The following DOCK5 variants were observed in gnomAD, a reference collection of about 807,000 sequenced individuals.
The protein encoded by DOCK5 is dedicator of cytokinesis 5, also known as dedicator of cytokinesis protein 5.
In DOCK5, 142 loss-of-function variants were observed where a neutral mutation model predicts 251.8. The ratio of observed to expected loss-of-function variants is 0.56; its 90% CI spans 0.49 to 0.65. The LOEUF is 0.65. Among genes scored for constraint, DOCK5 ranks in the 30% least tolerant of loss-of-function variants. DOCK5 has a pLI of 0.00. For missense variants in DOCK5, 2,111 were observed against 2,312.3 expected (o/e 0.91, Z 1.79); for synonymous variants, 842 against 835.5 (o/e 1.01, Z -0.13).
rs1187369915 is a variant in DOCK5 at position 25,411,215 on chromosome 8, C to T, written c.5530C>T (p.Arg1844Ter). 7 of 1,590,622 alleles carry T rather than the reference C, an allele frequency of 4.4e-6. No individual in the cohort carries two copies. The highest frequency in any genetic ancestry group is 1.7e-4 in the Middle Eastern group (1 of 6,020). Residue 1844 changes from arginine (R) to a stop codon, truncating the protein, a stop_gained, in exon 52 of 52, where the codon CGA becomes TGA. Transcript: ENST00000276440. LOFTEE classifies it high-confidence loss of function. Reference sequence around the variant, plus strand: ...GCAGCTCGCTCCCCCACTGCCTGTCCGAAGAGAAGCCAAAGCACCACCCCC... The same window carrying T: ...GCAGCTCGCTCCCCCACTGCCTGTCTGAAGAGAAGCCAAAGCACCACCCCC... Reference protein sequence around the residue: ...STELAPPLPVRREAKAPPPPP... With the variant: ...STELAPPLPV
At chr8:25,410,963 G>A (rs1563236030) in intron 51 of DOCK5, among the ~76,000 whole-genome samples, 2 of 28,490 alleles carry the variant, frequency 7.0e-5, no homozygotes, top group Admixed American at 5.2e-4. Context: ...GTGTGTGTGT[G>A]TGTGTGTGTG....
At position 25,363,132 on chromosome 8, in the gene DOCK5, C is replaced by G. The variant is rs1273195043; in HGVS notation, c.3035C>G (p.Thr1012Ser). 3 of 1,613,962 alleles carry G rather than the reference C, an allele frequency of 1.9e-6. No homozygotes were observed. The highest frequency in any genetic ancestry group is 2.5e-6 in the Non-Finnish European group (3 of 1,179,816). The change falls in exon 29 of 52, where the codon ACT (threonine) becomes AGT (serine). Residue 1012 changes from threonine to serine, a missense_variant. By Grantham distance (58) the Thr-to-Ser change is moderately conservative. Around this residue, in one of 3 missense-constraint regions of DOCK5, gnomAD observed 1,717 missense variants for 1,892.4 expected, o/e 0.91. Coordinates refer to ENST00000276440, the MANE Select transcript of DOCK5 (RefSeq NM_024940.8). Reference sequence around the variant, plus strand: ...AAAGATTGGATGGTGATGAATATGACTCAAAACAGGTGAGACAGCCCATGG... The same window carrying G: ...AAAGATTGGATGGTGATGAATATGAGTCAAAACAGGTGAGACAGCCCATGG... ...YAKDWMVMNM[T>S]QNRVFLRAIN...
intron 25 of DOCK5, 162 bp from the exon 26 acceptor site, chr8:25,345,313 A>G (rs1312960102): frequency 3.7e-6 from 3 of 807,106 alleles, no homozygotes; most frequent in East Asian, 2.7e-5. Flanking sequence ...TTCCGTGCCT[A>G]AAACCAGGTG....
intron 1 of DOCK5, among the ~76,000 whole-genome samples, chr8:25,185,429 A>C (rs1443846137): frequency 6.6e-6 from 1 of 152,016 alleles, no homozygotes; most frequent in African/African-American, 2.4e-5. Context: ...TGAGGAGTTG[A>C]GGGTGGAAAG....
chr8:25,225,831 A>G (rs1214303068), intron 1 of DOCK5, among the ~76,000 whole-genome samples: 1 of 152,196 alleles, frequency 6.6e-6, no homozygotes, highest in African/African-American at 2.4e-5. Context: ...TGAGGTCCCT[A>G]GAGTAGTCAG....
chr8:25,200,650 A>G (rs925080529), intron 1 of DOCK5, among the ~76,000 whole-genome samples: 4 of 152,216 alleles, frequency 2.6e-5, no homozygotes, highest in Admixed American at 2.0e-4. Context: ...ATAAGAGCAC[A>G]TTTTTGTTAC....
At chr8:25,291,922 C>G (rs1804499098) in intron 5 of DOCK5, 102 bp from the exon 6 acceptor site, 1 of 1,085,028 alleles carries the variant, frequency 9.2e-7, no homozygotes, top group Non-Finnish European at 1.3e-6. Flanking sequence ...TCTCATCTGT[C>G]TGACATTCCC....
intron 41 of DOCK5, 48 bp from the exon 42 acceptor site, chr8:25,390,158 A>C: frequency 6.6e-7 from 1 of 1,511,258 alleles, no homozygotes; most frequent in South Asian, 1.2e-5. Context: ...TTGGTGTCTG[A>C]CACCTTCACG....
intron 34 of DOCK5, among the ~76,000 whole-genome samples, chr8:25,370,931 C>T (rs1800862190): frequency 6.6e-6 from 1 of 152,144 alleles, no homozygotes; most frequent in Non-Finnish European, 1.5e-5. Context: ...AGGCATGAGC[C>T]ACCACGTCTG....
intron 1 of DOCK5, among the ~76,000 whole-genome samples, chr8:25,198,244 T>A (rs1417768992): frequency 2.6e-5 from 4 of 152,170 alleles, no homozygotes; most frequent in Non-Finnish European, 5.9e-5. Flanking sequence ...GCGGCTCTCA[T>A]GACCCAGCCT....
At chr8:25,260,275 C>T (rs564027496) in intron 2 of DOCK5, among the ~76,000 whole-genome samples, 17 of 152,246 alleles carry the variant, frequency 1.1e-4, no homozygotes, top group African/African-American at 4.1e-4. Context: ...TGTGTTTTAT[C>T]CAGTAAGATA....
At chr8:25,326,890 A>G (rs986707396) in intron 18 of DOCK5, among the ~76,000 whole-genome samples, 1 of 152,216 alleles carries the variant, frequency 6.6e-6, no homozygotes, top group Non-Finnish European at 1.5e-5. Context: ...AAATATATGC[A>G]GCTGCTAAAT....
chr8:25,374,733 T>G (rs1457664683), intron 37 of DOCK5, 79 bp downstream of exon 37: 1 of 1,611,352 alleles, frequency 6.2e-7, no homozygotes, highest in Non-Finnish European at 8.5e-7. Flanking sequence ...TTTCATGATT[T>G]TGATGGGAAA....
Position 25,411,350 on chromosome 8 carries a change from A to C in DOCK5, c.*52A>C. On this transcript the variant is annotated 3_prime_UTR_variant, in exon 52 of 52. Transcript: ENST00000276440. ...GTGCCTTAGACAGCTGCTGCCTGAG[A>C]ACTGGCCTCCAGCCGGTGTCCTCAT... is the stretch of plus-strand genomic sequence containing the variant. The C allele has an allele frequency of 7.2e-7, 1 of 1,382,846 alleles. No homozygotes were observed. The highest frequency in any genetic ancestry group is 1.5e-5 in the African/African-American group (1 of 65,706). The allele number at this position is 1,382,846 out of a possible 1,614,324, so 85.7% of individuals were successfully genotyped here.
chr8:25,312,093 C>T (rs985258463), intron 13 of DOCK5, among the ~76,000 whole-genome samples: 2 of 152,048 alleles, frequency 1.3e-5, no homozygotes, highest in African/African-American at 4.8e-5. Context: ...GGAGATCACT[C>T]TTTTTTCCTT....
chr8:25,302,401 T>C lies in DOCK5; in HGVS notation c.923T>C (p.Leu308Pro). ...CQIVRVGHME[L>P]KEGKKHTCGL... Reference sequence around the variant, plus strand: ...ATTGTCCGCGTGGGCCATATGGAGCTGAAGGAAGGCAAGAAGCACACCTGT... The same window carrying C: ...ATTGTCCGCGTGGGCCATATGGAGCCGAAGGAAGGCAAGAAGCACACCTGT... Residue 308 changes from leucine to proline, a missense_variant, in exon 10 of 52, where the codon CTG (leucine) becomes CCG (proline). This residue lies in a region of DOCK5 where 59 missense variants were observed against 95.0 expected (regional missense o/e 0.62). Coordinates refer to ENST00000276440, the MANE Select transcript of DOCK5 (RefSeq NM_024940.8). 6.2e-7 allele frequency: 1 copy of C among 1,605,320 alleles called. No homozygotes were observed. The highest frequency in any genetic ancestry group is 8.5e-7 in the Non-Finnish European group (1 of 1,176,016).
chr8:25,271,360 A>G (rs1803906564), intron 3 of DOCK5: 2 of 152,334 alleles, frequency 1.3e-5, no homozygotes, highest in African/African-American at 4.8e-5. Context: ...AAGCCGAAAT[A>G]TCCTTCTTGT....
intron 14 of DOCK5, among the ~76,000 whole-genome samples, chr8:25,318,823 C>G (rs1404520912): frequency 6.6e-6 from 1 of 151,934 alleles, no homozygotes; most frequent in Non-Finnish European, 1.5e-5. Context: ...CACTGAGTGT[C>G]CTGTTGCATA....
intron 47 of DOCK5, 109 bp downstream of exon 47, chr8:25,401,175 A>G (rs1291114912): frequency 1.4e-6 from 2 of 1,458,450 alleles, no homozygotes; most frequent in Non-Finnish European, 1.9e-6. Context: ...TAGCTATGGC[A>G]TGGAAATAGT....
Sources: gnomAD v4.1 joint callset for allele counts (sites outside exome capture counted in the v4.1 genomes callset) on GRCh38, gnomAD v4.1.1 for gene constraint, gnomAD v4.1.1 regional missense constraint, MANE v1.5 for transcripts, NCBI Gene and HGNC (gene_info 2026-07-23, HGNC 2026-07-21) for gene names.